CACNA2D3: variants seen among roughly 807,000 people sequenced by gnomAD.
The protein encoded by CACNA2D3 is voltage-dependent calcium channel subunit alpha-2/delta-3.
A neutral mutation model predicts 160.6 loss-of-function variants in CACNA2D3; 60 were observed. The ratio of observed to expected loss-of-function variants is 0.37; its 90% CI spans 0.30 to 0.46. The LOEUF is 0.46. CACNA2D3 is among the 20% of genes least tolerant of loss of function. The pLI, the probability that CACNA2D3 is intolerant of heterozygous loss-of-function variation, is 1.00. For missense variants in CACNA2D3, 1,205 were observed against 1,365.0 expected (o/e 0.88, Z 1.85); for synonymous variants, 558 against 492.9 (o/e 1.13, Z -1.75).
chr3:54,235,624 G>A lies in CACNA2D3; in HGVS notation c.205-84818G>A, dbSNP rs544499824. Among the ~76,000 whole-genome samples, 21 of 152,278 alleles carry A rather than the reference G, an allele frequency of 1.4e-4. No individual in the cohort carries two copies. In the East Asian group the frequency reaches 2.9e-3, roughly 21 times the overall value. ...CCTCCAACACTGGGGGTTATAATTC[G>A]ACATGAGATTTGGTGGGGACACAGC... On this transcript the variant is annotated intron_variant, in intron 2 of 37. Transcript: ENST00000474759.
In CACNA2D3 at chr3:54,975,514, T is replaced by C. The variant is rs919455203; in HGVS notation, c.2556+5670T>C. 3.3e-5 allele frequency among the ~76,000 whole-genome samples: 4 copies of C among 119,834 alleles called. No individual in the cohort carries two copies. In the Admixed American group the frequency reaches 4.0e-4, roughly 12 times the overall value. 78.6% of individuals were successfully genotyped at this position (119,834 alleles called of 152,430 possible). On this transcript the variant is annotated intron_variant, in intron 29 of 37. Transcript: ENST00000474759. ...CCAGCCTGGGCAACAGAGTGAGACT[T>C]GGTCTCCAAAAAAAAAAAAAAAAAA...
intron 26 of CACNA2D3, among the ~76,000 whole-genome samples, chr3:54,897,819 C>A (rs1187053199): frequency 1.3e-5 from 2 of 152,160 alleles, no homozygotes; most frequent in Non-Finnish European, 2.9e-5. Flanking sequence ...GCAAAGAGTG[C>A]TCTTACAATT....
At chr3:54,479,549 T>C (rs1194083223) in intron 4 of CACNA2D3, among the ~76,000 whole-genome samples, 1 of 152,164 alleles carries the variant, frequency 6.6e-6, no homozygotes, top group Admixed American at 6.6e-5. Flanking sequence ...TCTTCCATAT[T>C]TTCCTTATTT....
Position 54,547,673 on chromosome 3 carries a change from T to G in CACNA2D3, c.545-15127T>G, listed in dbSNP as rs1286683226. Among the ~76,000 whole-genome samples the G allele has an allele frequency of 9.6e-3, 3 of 312 alleles. No individual in the cohort carries two copies. The East Asian group carries it at 0.17, about 17-fold the overall frequency. 0.2% of individuals were successfully genotyped at this position (312 alleles called of 152,430 possible). ...TTTAAAGAAGAACCTCCCCCAACCC[T>G]TTTTTTTTTTTTTTTTTTTTTTTTT... is the stretch of plus-strand genomic sequence containing the variant. On this transcript the variant is annotated intron_variant, in intron 5 of 37. Coordinates refer to ENST00000474759, the MANE Select transcript of CACNA2D3 (RefSeq NM_018398.3).
intron 2 of CACNA2D3, among the ~76,000 whole-genome samples, chr3:54,265,527 A>AGT (rs536088158): frequency 1.1e-4 from 13 of 123,624 alleles, no homozygotes; most frequent in African/African-American, 4.0e-4. Flanking sequence ...CAGAACTTAA[A>AGT]GTATGTGTGT....
chr3:54,356,513 GC>G (rs769576267), intron 3 of CACNA2D3, among the ~76,000 whole-genome samples: 12 of 152,156 alleles, frequency 7.9e-5, no homozygotes, highest in Non-Finnish European at 1.5e-4. Context: ...TGCCTTGGCA[GC>G]CACTCTTAGG....
Position 54,986,016 on chromosome 3 carries a change from A to G in CACNA2D3, c.2619+1346A>G, listed in dbSNP as rs368036299. On this transcript the variant is annotated intron_variant, in intron 30 of 37. Transcript: ENST00000474759. Reference sequence around the variant, plus strand: ...AGACAGCAGGAAAGTCCTTTGGCCTATAGTTATATGCCCTGTTGGCTGGGA... The same window carrying G: ...AGACAGCAGGAAAGTCCTTTGGCCTGTAGTTATATGCCCTGTTGGCTGGGA... 4.6e-5 allele frequency among the ~76,000 whole-genome samples: 7 copies of G among 152,318 alleles called. No individual in the cohort carries two copies. In the South Asian group the frequency reaches 6.2e-4, roughly 14 times the overall value.
At chr3:54,434,780 G>A (rs969034180) in intron 4 of CACNA2D3, among the ~76,000 whole-genome samples, 3 of 152,110 alleles carry the variant, frequency 2.0e-5, no homozygotes, top group African/African-American at 7.2e-5. Context: ...TTCAGTCCAG[G>A]CCAGTTTCCA....
At chr3:54,270,149 T>C (rs1053499660) in intron 2 of CACNA2D3, among the ~76,000 whole-genome samples, 1 of 152,230 alleles carries the variant, frequency 6.6e-6, no homozygotes, top group African/African-American at 2.4e-5. Context: ...TCTCCTCAAT[T>C]GTTAAATTGT....
At chr3:54,493,027 A>T (rs147556315) in intron 4 of CACNA2D3, among the ~76,000 whole-genome samples, 102 of 150,808 alleles carry the variant, frequency 6.8e-4, no homozygotes, top group African/African-American at 2.4e-3. Flanking sequence ...GTTATAAATA[A>T]ATAAATATGT....
intron 8 of CACNA2D3, among the ~76,000 whole-genome samples, chr3:54,570,952 C>A (rs190329259): frequency 2.0e-5 from 3 of 152,174 alleles, no homozygotes; most frequent in Non-Finnish European, 4.4e-5. Flanking sequence ...GTCCTAAGAA[C>A]ATGCGCCCAA....
intron 27 of CACNA2D3, chr3:54,918,271 T>C (rs1700712288): frequency 1.8e-5 from 11 of 623,252 alleles, no homozygotes; most frequent in Non-Finnish European, 2.7e-5. Flanking sequence ...TATAGTATTT[T>C]AAAAATCGCA....
chr3:54,810,409 G>C (rs920424002), intron 13 of CACNA2D3, among the ~76,000 whole-genome samples: 3 of 152,146 alleles, frequency 2.0e-5, no homozygotes, highest in Admixed American at 6.5e-5. Flanking sequence ...TAGAGTTTGA[G>C]CCATTTAACA....
At chr3:54,679,932 G>A (rs1367200400) in intron 11 of CACNA2D3, among the ~76,000 whole-genome samples, 1 of 152,216 alleles carries the variant, frequency 6.6e-6, no homozygotes, top group Admixed American at 6.5e-5. Context: ...TTTATTGCTT[G>A]AACCAGTGTG....
rs139600050 is a variant in CACNA2D3 at position 54,324,278 on chromosome 3, A to G, written c.321+3720A>G. Among the ~76,000 whole-genome samples the G allele has an allele frequency of 4.8e-3, 733 of 152,298 alleles. 9 individuals carry two copies. The highest frequency in any genetic ancestry group is 0.017 in the African/African-American group (692 of 41,566). ...GAATCAGAGTGATTTTATCATCCTC[A>G]TCTCCTATTTGAATTACTCTCCACT... On this transcript the variant is annotated intron_variant, in intron 3 of 37. Coordinates refer to ENST00000474759, the MANE Select transcript of CACNA2D3 (RefSeq NM_018398.3).
At chr3:54,241,610 A>G (rs1701974383) in intron 2 of CACNA2D3, among the ~76,000 whole-genome samples, 1 of 152,238 alleles carries the variant, frequency 6.6e-6, no homozygotes, top group Non-Finnish European at 1.5e-5. Flanking sequence ...TGGCTGGTAT[A>G]TGGCCTGCAT....
At chr3:54,867,993 A>C (rs1006121684) in intron 17 of CACNA2D3, among the ~76,000 whole-genome samples, 1 of 152,200 alleles carries the variant, frequency 6.6e-6, no homozygotes, top group Non-Finnish European at 1.5e-5. Context: ...AACCGAGGTG[A>C]TTAACCTGGA....
chr3:54,736,098 T>C (rs1434303923), intron 11 of CACNA2D3, among the ~76,000 whole-genome samples: 572 of 17,628 alleles, frequency 0.032, 60 homozygotes, highest in Non-Finnish European at 0.056. Flanking sequence ...TGTATATATA[T>C]ACATATATAT....
chr3:54,885,170 G>A (rs1436623529), intron 21 of CACNA2D3, 111 bp from the exon 22 acceptor site: 6 of 1,048,736 alleles, frequency 5.7e-6, no homozygotes, highest in African/African-American at 1.6e-5. Context: ...GTCCCTTAGG[G>A]TTGATGTCTA....
Sources: gnomAD v4.1 joint callset for allele counts (sites outside exome capture counted in the v4.1 genomes callset) on GRCh38, gnomAD v4.1.1 for gene constraint, MANE v1.5 for transcripts, NCBI Gene and HGNC (gene_info 2026-07-23, HGNC 2026-07-21) for gene names.